Variants in AMMECR1 observed in about 807,000 individuals in gnomAD.
The protein encoded by AMMECR1 is AMMECR nuclear protein 1.
A neutral mutation model predicts 22.5 loss-of-function variants in AMMECR1; 3 were observed. The observed-to-expected ratio is 0.13, with a 90% CI of 0.06 to 0.35. AMMECR1 has a LOEUF of 0.35. Ranked by LOEUF, AMMECR1 falls within the 10% of genes least tolerant of loss-of-function variation. The probability of loss-of-function intolerance (pLI) is 1.00; values close to 1 mark genes in which losing one functional copy is unlikely to be tolerated. For synonymous variants in AMMECR1, 130 were observed against 116.7 expected (o/e 1.11, Z -0.74); for missense variants, 235 against 278.7 (o/e 0.84, Z 1.12).
At position 110,237,024 on chromosome X, in the gene AMMECR1, C is replaced by T. The variant is rs190968986; in HGVS notation, c.585-20392G>A. The stretch of plus-strand genomic sequence containing the variant: ...CAGCCTCTATCACCCCCCTGGAAAA[C>T]ACACATAAACTCTGCATCCTGAAGG... On this transcript the variant is annotated intron_variant, in intron 2 of 5. Transcript: ENST00000262844. Among the ~76,000 whole-genome samples the T allele has an allele frequency of 3.6e-5, 4 of 111,508 alleles. No individual in the cohort carries two copies. The East Asian group carries it at 1.1e-3, about 31-fold the overall frequency.
chrX:110,419,992 C>T (rs979882210), intron 2 of AMMECR1, among the ~76,000 whole-genome samples: 3 of 111,752 alleles, frequency 2.7e-5, no homozygotes, highest in Non-Finnish European at 3.8e-5. Flanking sequence ...GGAATTGAGG[C>T]TCTGGGATGT....
intron 1 of AMMECR1, among the ~76,000 whole-genome samples, chrX:110,269,989 T>C (rs994144182): frequency 1.1e-4 from 12 of 111,725 alleles, no homozygotes; most frequent in African/African-American, 3.9e-4. Flanking sequence ...GTAAAGGCTC[T>C]CTTCCTTTAC....
intron 2 of AMMECR1, among the ~76,000 whole-genome samples, chrX:110,396,356 T>A (rs1361459089): frequency 1.8e-5 from 2 of 112,082 alleles, no homozygotes; most frequent in Non-Finnish European, 3.8e-5. Flanking sequence ...TCTTTCTTTT[T>A]CCCTCTTATG....
At chrX:110,228,448 T>G (rs907435796) in intron 2 of AMMECR1, among the ~76,000 whole-genome samples, 1 of 111,342 alleles carries the variant, frequency 9.0e-6, no homozygotes, top group Non-Finnish European at 1.9e-5. Context: ...ACAAAACTAC[T>G]TAGAAATCAG....
chrX:110,439,930 G>T (rs2068867669), exon 1 of AMMECR1: 1 of 110,596 alleles, frequency 9.0e-6, no homozygotes, highest in Non-Finnish European at 1.9e-5. Flanking sequence ...GAGCTTACAG[G>T]CTCCCGAATG....
chrX:110,417,810 A>G (rs1226174382), intron 2 of AMMECR1, among the ~76,000 whole-genome samples: 3 of 112,591 alleles, frequency 2.7e-5, no homozygotes, highest in African/African-American at 9.7e-5. Flanking sequence ...GCAACTTCCA[A>G]CATCCCATTG....
intron 2 of AMMECR1, among the ~76,000 whole-genome samples, chrX:110,222,923 T>C (rs2067511920): frequency 1.8e-5 from 2 of 111,755 alleles, no homozygotes; most frequent in Non-Finnish European, 3.8e-5. Context: ...TACTGCCCTC[T>C]GATTAAAGTT....
chrX:110,377,370 TAC>T (rs2068384309), intron 2 of AMMECR1, among the ~76,000 whole-genome samples: 1 of 111,940 alleles, frequency 8.9e-6, no homozygotes, highest in Admixed American at 9.4e-5. Context: ...CACCGATACC[TAC>T]AGTCTTCCAG....
intron 2 of AMMECR1, among the ~76,000 whole-genome samples, chrX:110,360,351 A>C (rs1340153803): frequency 8.9e-6 from 1 of 111,940 alleles, no homozygotes. Flanking sequence ...AGGTAGGCAA[A>C]ATATGCATAG....
chrX:110,342,335 TA>T (rs1469508148), intron 2 of AMMECR1, among the ~76,000 whole-genome samples: 1 of 111,185 alleles, frequency 9.0e-6, no homozygotes, highest in Non-Finnish European at 1.9e-5. Context: ...AATCAATAAC[TA>T]AAAGACCATT....
chrX:110,276,457 G>A (rs1207651590), intron 1 of AMMECR1, among the ~76,000 whole-genome samples: 1 of 112,010 alleles, frequency 8.9e-6, no homozygotes, highest in African/African-American at 3.2e-5. Flanking sequence ...TCATTATATT[G>A]TTGAGTGTTT....
intron 1 of AMMECR1, among the ~76,000 whole-genome samples, chrX:110,289,117 T>C (rs1191556179): frequency 1.8e-5 from 2 of 111,937 alleles, no homozygotes; most frequent in East Asian, 5.6e-4. Context: ...TGTCCATGAA[T>C]CCTTCCCTCA....
intron 1 of AMMECR1, among the ~76,000 whole-genome samples, chrX:110,264,832 A>G (rs2067759480): frequency 9.0e-6 from 1 of 111,644 alleles, no homozygotes; most frequent in Admixed American, 9.5e-5. Flanking sequence ...AATGTTTTAA[A>G]CAAACTAATT....
intron 1 of AMMECR1, among the ~76,000 whole-genome samples, chrX:110,288,882 C>A (rs1308559737): frequency 1.8e-5 from 2 of 111,904 alleles, no homozygotes; most frequent in Non-Finnish European, 3.8e-5. Flanking sequence ...AGCATTCCCA[C>A]ATAGGTTAGA....
intron 2 of AMMECR1, among the ~76,000 whole-genome samples, chrX:110,335,292 C>T (rs892266719): frequency 9.0e-6 from 1 of 110,768 alleles, no homozygotes; most frequent in Non-Finnish European, 1.9e-5. Flanking sequence ...TCCAAGACCA[C>T]CTTGGGAGCA....
At chrX:110,332,593 T>G in intron 2 of AMMECR1, among the ~76,000 whole-genome samples, 1 of 112,046 alleles carries the variant, frequency 8.9e-6, no homozygotes, top group East Asian at 2.8e-4. Context: ...TTGTTGTAGA[T>G]TTTTTTCCCT....
At chrX:110,329,310 T>C (rs1413443191) in intron 2 of AMMECR1, among the ~76,000 whole-genome samples, 2 of 112,351 alleles carry the variant, frequency 1.8e-5, no homozygotes, top group African/African-American at 6.5e-5. Context: ...TTTGATGGGA[T>C]TGTTTGTTTT....
intron 2 of AMMECR1, among the ~76,000 whole-genome samples, chrX:110,226,786 C>T (rs773192927): frequency 9.0e-6 from 1 of 111,539 alleles, no homozygotes; most frequent in South Asian, 3.8e-4. Context: ...TTAATGCTTC[C>T]GTTCATAGGA....
At chrX:110,235,465 G>A (rs1190636096) in intron 2 of AMMECR1, among the ~76,000 whole-genome samples, 4 of 112,385 alleles carry the variant, frequency 3.6e-5, no homozygotes, top group Admixed American at 9.4e-5. Context: ...ATTTGACCCA[G>A]CCATCCCATT....
Sources: gnomAD v4.1 joint callset for allele counts (sites outside exome capture counted in the v4.1 genomes callset) on GRCh38, gnomAD v4.1.1 for gene constraint, MANE v1.5 for transcripts, NCBI Gene and HGNC (gene_info 2026-07-23, HGNC 2026-07-21) for gene names.